MACROD2: variants seen among roughly 807,000 people sequenced by gnomAD.
The protein encoded by MACROD2 is mono-ADP ribosylhydrolase 2.
A neutral mutation model predicts 70.4 loss-of-function variants in MACROD2; 36 were observed. That is an observed-to-expected ratio of 0.51 (90% CI 0.39 to 0.68). MACROD2 has a LOEUF of 0.68. Ranked by LOEUF, MACROD2 falls within the 30% of genes least tolerant of loss-of-function variation. MACROD2 has a pLI of 0.00. For missense variants in MACROD2, 496 were observed against 538.4 expected (o/e 0.92, Z 0.78); for synonymous variants, 172 against 178.8 (o/e 0.96, Z 0.30).
At chr20:14,986,349 G>A (rs398439) in intron 5 of MACROD2, among the ~76,000 whole-genome samples, 3,231 of 152,186 alleles carry the variant, frequency 0.021, 68 homozygotes, top group Admixed American at 0.047. Flanking sequence ...ACAGTTGAGC[G>A]TAATATGCCT....
intron 5 of MACROD2, among the ~76,000 whole-genome samples, chr20:14,975,855 G>A (rs28475810): frequency 0.062 from 9,373 of 152,176 alleles, 956 homozygotes; most frequent in African/African-American, 0.21. Flanking sequence ...AAGGATGCGT[G>A]CAAACCCTTA....
At chr20:14,772,096 T>A (rs1176044552) in intron 5 of MACROD2, among the ~76,000 whole-genome samples, 1 of 152,022 alleles carries the variant, frequency 6.6e-6, no homozygotes, top group Non-Finnish European at 1.5e-5. Context: ...ACAATAAATG[T>A]TTTTACACTT....
chr20:14,951,534 G>A (rs1387653289), intron 5 of MACROD2, among the ~76,000 whole-genome samples: 1 of 152,118 alleles, frequency 6.6e-6, no homozygotes, highest in African/African-American at 2.4e-5. Context: ...TAAGAGAGGA[G>A]TGGTGGCACC....
intron 5 of MACROD2, among the ~76,000 whole-genome samples, chr20:14,857,428 A>G (rs1395909417): frequency 8.5e-5 from 13 of 152,292 alleles, no homozygotes; most frequent in South Asian, 2.1e-4. Context: ...TAGCTTCCTT[A>G]TGTGCTGCAT....
intron 4 of MACROD2, among the ~76,000 whole-genome samples, chr20:14,634,241 G>C (rs1984665193): frequency 6.6e-6 from 1 of 152,216 alleles, no homozygotes; most frequent in South Asian, 2.1e-4. Context: ...CACATTACCA[G>C]CTTGAGTTAC....
intron 8 of MACROD2, among the ~76,000 whole-genome samples, chr20:15,560,241 C>T (rs2048223875): frequency 6.6e-6 from 1 of 152,162 alleles, no homozygotes; most frequent in Non-Finnish European, 1.5e-5. Context: ...ATTTGACTCC[C>T]ATCTCTACCA....
At chr20:15,322,910 G>A (rs1341870458) in intron 6 of MACROD2, among the ~76,000 whole-genome samples, 1 of 144,124 alleles carries the variant, frequency 6.9e-6, no homozygotes, top group Non-Finnish European at 1.6e-5. Flanking sequence ...ATGAAATGTG[G>A]TATCAAGGAA....
chr20:15,933,222 A>T, intron 10 of MACROD2, 54 bp from the exon 11 acceptor site: 1 of 1,548,850 alleles, frequency 6.5e-7, no homozygotes, highest in Non-Finnish European at 8.9e-7. Context: ...CCGTAAAGAG[A>T]TATTTCACAA....
intron 2 of MACROD2, among the ~76,000 whole-genome samples, chr20:14,002,696 G>A (rs1399117375): frequency 6.6e-6 from 1 of 151,986 alleles, no homozygotes; most frequent in African/African-American, 2.4e-5. Context: ...TGCTATTAGA[G>A]ATTTGCTGCT....
At chr20:14,261,146 T>C (rs1456637535) in intron 3 of MACROD2, among the ~76,000 whole-genome samples, 1 of 152,182 alleles carries the variant, frequency 6.6e-6, no homozygotes, top group African/African-American at 2.4e-5. Flanking sequence ...CTTCCAAGTG[T>C]TTTTAGTGAT....
intron 13 of MACROD2, 74 bp from the exon 14 acceptor site, chr20:15,986,653 T>A: frequency 1.7e-6 from 2 of 1,173,898 alleles, no homozygotes; most frequent in Non-Finnish European, 2.5e-6. Flanking sequence ...AAAGCACGGT[T>A]TCTGAAGGTC....
chr20:15,045,906 G>T (rs1011772453), intron 5 of MACROD2, among the ~76,000 whole-genome samples: 4 of 151,698 alleles, frequency 2.6e-5, no homozygotes, highest in Admixed American at 2.0e-4. Context: ...TATTTCTGAG[G>T]GTGTTCTGCT....
chr20:15,474,916 C>T (rs1418620032), intron 7 of MACROD2, among the ~76,000 whole-genome samples: 1 of 151,938 alleles, frequency 6.6e-6, no homozygotes, highest in African/African-American at 2.4e-5. Context: ...CCGTTGTACT[C>T]GGAGGCAGGA....
chr20:14,160,865 G>A (rs1424731079), intron 3 of MACROD2, among the ~76,000 whole-genome samples: 1 of 151,880 alleles, frequency 6.6e-6, no homozygotes, highest in East Asian at 1.9e-4. Flanking sequence ...TAAATTCAGA[G>A]GGTATGTGTG....
chr20:15,985,518 C>T (rs978688780), intron 13 of MACROD2, among the ~76,000 whole-genome samples: 9 of 152,206 alleles, frequency 5.9e-5, no homozygotes, highest in East Asian at 1.9e-4. Context: ...TTCAGATGTC[C>T]GGACTCCAAG....
chr20:14,329,171 C>G (rs1016452006), intron 3 of MACROD2: 4 of 151,250 alleles, frequency 2.6e-5, no homozygotes, highest in African/African-American at 9.7e-5. Context: ...TTGCTTCTTG[C>G]TGATTTTTCA....
chr20:14,971,061 G>A lies in MACROD2; in HGVS notation c.419-258879G>A, dbSNP rs150009248. On this transcript the variant is annotated intron_variant, in intron 5 of 17. Transcript: ENST00000684519. ...GCTCAAGTCCCTTTTATAAAATGACGTAGTATTTGCATATAACTTACGCAC... is the reference window on the plus strand; with the variant it reads ...GCTCAAGTCCCTTTTATAAAATGACATAGTATTTGCATATAACTTACGCAC... Among the ~76,000 whole-genome samples, 767 of 152,254 alleles carry A rather than the reference G, an allele frequency of 5.0e-3. 5 individuals are homozygous for A. The highest frequency in any genetic ancestry group is 0.017 in the African/African-American group (722 of 41,536).
In MACROD2 at chr20:14,778,400, A is replaced by G. The variant is rs6105323; in HGVS notation, c.418+93441A>G. 4.0e-3 allele frequency among the ~76,000 whole-genome samples: 608 copies of G among 151,954 alleles called. 7 individuals are homozygous for G. The highest frequency in any genetic ancestry group is 0.013 in the African/African-American group (527 of 41,404). ...AACTCCGTGCCTTTGTTGTCCCCTC[A>G]CCTCATGTCTGTATTCATCTCTGTT... On this transcript the variant is annotated intron_variant, in intron 5 of 17. Transcript: ENST00000684519.
intron 8 of MACROD2, among the ~76,000 whole-genome samples, chr20:15,845,332 G>A (rs2064218676): frequency 6.6e-6 from 1 of 152,024 alleles, no homozygotes; most frequent in Non-Finnish European, 1.5e-5. Flanking sequence ...CACTTCAAAC[G>A]CACAACTCAT....
Sources: allele counts gnomAD v4.1 joint callset (sites outside exome capture counted in the v4.1 genomes callset), GRCh38; gene constraint gnomAD v4.1.1; transcripts MANE v1.5; gene names NCBI Gene and HGNC (gene_info 2026-07-23, HGNC 2026-07-21).